The following AS3MT variants were observed in gnomAD, a reference collection of about 807,000 sequenced individuals.
AS3MT encodes the protein S-adenosyl-L-methionine:arsenic(III) methyltransferase.
Under a neutral mutation model 45.3 loss-of-function variants are expected in AS3MT, and 47 were observed. The ratio of observed to expected loss-of-function variants is 1.04; its 90% CI spans 0.82 to 1.32. The LOEUF (loss-of-function observed/expected upper bound fraction) is 1.32. Among genes scored for constraint, AS3MT ranks in the 40% most tolerant of loss-of-function variants. The pLI, the probability that AS3MT is intolerant of heterozygous loss-of-function variation, is 0.00. For synonymous variants in AS3MT, 141 were observed against 152.8 expected (o/e 0.92, Z 0.57); for missense variants, 396 against 451.1 (o/e 0.88, Z 1.11).
chr10:102,877,175 A>G, intron 7 of AS3MT, 140 bp downstream of exon 7: 1 of 738,500 alleles, frequency 1.4e-6, no homozygotes, highest in South Asian at 1.9e-5. Context: ...TTCCTCTGCC[A>G]TTCAAAAGTG....
chr10:102,895,116 C>T (rs951162860), intron 10 of AS3MT, among the ~76,000 whole-genome samples: 1 of 151,974 alleles, frequency 6.6e-6, no homozygotes, highest in African/African-American at 2.4e-5. Flanking sequence ...GTTATGACAC[C>T]CTAATTTGAA....
intron 10 of AS3MT, among the ~76,000 whole-genome samples, chr10:102,899,142 C>T (rs1056612092): frequency 2.0e-5 from 3 of 152,192 alleles, no homozygotes; most frequent in African/African-American, 7.2e-5. Flanking sequence ...CTCATAGTAG[C>T]CACCACGCCC....
intron 3 of AS3MT, 85 bp from the exon 4 acceptor site, chr10:102,872,339 AAGGAAGGAAGGAACGGAGGGAGGG>A: frequency 8.6e-7 from 1 of 1,166,338 alleles, no homozygotes; most frequent in Non-Finnish European, 1.2e-6. Flanking sequence ...AGAAAGAAGG[AAGGAAGGAAGGAACGGAGGGAGGG>A]AGGGAGGAGG....
chr10:102,878,652 T>C (rs768541092), intron 8 of AS3MT, 142 bp downstream of exon 8: 113 of 1,353,048 alleles, frequency 8.4e-5, no homozygotes, highest in Non-Finnish European at 1.1e-4. Flanking sequence ...TCCTGTACAA[T>C]GGTAACCCCC....
chr10:102,874,583 C>T lies in AS3MT; in HGVS notation c.459-9C>T. 1 of 1,586,438 alleles carries T rather than the reference C, an allele frequency of 6.3e-7. No homozygotes were observed. Among genetic ancestry groups the T allele is most frequent in the Non-Finnish European group, 8.6e-7 (1 of 1,161,042 alleles). On this transcript the variant is annotated splice_polypyrimidine_tract_variant and intron_variant, in intron 5 of 10. Coordinates refer to ENST00000369880, the MANE Select transcript of AS3MT (RefSeq NM_020682.4). ...AGATTTGCTCGACATTTCATCTGTT[C>T]TCTTTTAGATCAAACTGTGTTATTA...
chr10:102,872,995 A>G, intron 4 of AS3MT, 102 bp from the exon 5 acceptor site: 1 of 999,616 alleles, frequency 1.0e-6, no homozygotes, highest in Non-Finnish European at 1.4e-6. Context: ...TTTATCCAAA[A>G]TAATCTAGGG....
In AS3MT at chr10:102,901,321, G is replaced by A. The variant is rs1242640912; in HGVS notation, c.*621G>A. ...CCATTCTCCTGCCTCAGACTCCCAAGTAGCTGGGACTACAGGCACCTACCA... is the reference window on the plus strand; with the variant it reads ...CCATTCTCCTGCCTCAGACTCCCAAATAGCTGGGACTACAGGCACCTACCA... On this transcript the variant is annotated 3_prime_UTR_variant, in exon 11 of 11. Transcript: ENST00000369880. The A allele has an allele frequency of 6.6e-6, 1 of 151,868 alleles. No homozygotes were observed. The highest frequency in any genetic ancestry group is 1.5e-5 in the Non-Finnish European group (1 of 68,044). The allele number at this position is 151,868 out of a possible 1,614,324, so 9.4% of individuals were successfully genotyped here. A position where few individuals can be genotyped will look rare whatever the true frequency, so the allele number is the denominator to read the frequency against.
chr10:102,890,731 G>A (rs1159916335), intron 10 of AS3MT, 53 bp downstream of exon 10: 3 of 1,547,712 alleles, frequency 1.9e-6, no homozygotes, highest in African/African-American at 1.4e-5. Flanking sequence ...TTATTTTTGA[G>A]ATGGAGTCTC....
intron 3 of AS3MT, among the ~76,000 whole-genome samples, chr10:102,871,183 G>A (rs1844673877): frequency 6.6e-6 from 1 of 152,084 alleles, no homozygotes; most frequent in Non-Finnish European, 1.5e-5. Context: ...GGCGGAGGTC[G>A]CAGTGAGCGG....
chr10:102,879,537 A>G (rs762725081), intron 9 of AS3MT, among the ~76,000 whole-genome samples: 18 of 151,956 alleles, frequency 1.2e-4, no homozygotes, highest in Non-Finnish European at 1.8e-4. Context: ...AGGCTGAGGC[A>G]GGCAGATTAC....
chr10:102,880,953 C>A (rs1328602845), intron 9 of AS3MT, among the ~76,000 whole-genome samples: 1 of 152,148 alleles, frequency 6.6e-6, no homozygotes, highest in Admixed American at 6.5e-5. Context: ...CTTAAAATCC[C>A]AGAGTATCTG....
chr10:102,879,879 T>C (rs1012443914), intron 9 of AS3MT, among the ~76,000 whole-genome samples: 5 of 140,540 alleles, frequency 3.6e-5, no homozygotes, highest in African/African-American at 1.3e-4. Flanking sequence ...TTTCCATGTT[T>C]GTGTGTTTAT....
rs192597598 is a variant in AS3MT at position 102,873,079 on chromosome 10, A to G, written c.322-18A>G. ...TTTTTTTCAAAATGTTATCAAAACT[A>G]TATTTTTCTTACTTTAGGTGGAAGT... On this transcript the variant is annotated intron_variant, in intron 4 of 10. Transcript: ENST00000369880. The G allele has an allele frequency of 3.2e-4, 492 of 1,552,038 alleles. No individual in the cohort carries two copies. The highest frequency in any genetic ancestry group is 3.1e-3 in the Admixed American group (137 of 44,854).
intron 9 of AS3MT, among the ~76,000 whole-genome samples, chr10:102,879,880 G>C (rs1205618544): frequency 1.4e-5 from 2 of 139,438 alleles, no homozygotes; most frequent in Non-Finnish European, 3.2e-5. Flanking sequence ...TTCCATGTTT[G>C]TGTGTTTATA....
chr10:102,897,904 A>G (rs183065373), intron 10 of AS3MT, among the ~76,000 whole-genome samples: 13 of 152,332 alleles, frequency 8.5e-5, no homozygotes, highest in South Asian at 2.1e-4. Context: ...CCTTAGATAT[A>G]AATTGTAAAA....
At chr10:102,896,133 A>G (rs1590231712) in intron 10 of AS3MT, among the ~76,000 whole-genome samples, 1 of 151,522 alleles carries the variant, frequency 6.6e-6, no homozygotes, top group Admixed American at 6.6e-5. Context: ...GGAGGTCAAG[A>G]CCAGCCTGGC....
chr10:102,890,161 C>T (rs563653130), intron 9 of AS3MT, among the ~76,000 whole-genome samples: 13 of 131,300 alleles, frequency 9.9e-5, no homozygotes, highest in Non-Finnish European at 1.7e-4. Flanking sequence ...CCACTATGTC[C>T]GGCTAATTTT....
chr10:102,894,401 C>T (rs572395194), intron 10 of AS3MT, among the ~76,000 whole-genome samples: 4 of 150,094 alleles, frequency 2.7e-5, no homozygotes, highest in East Asian at 3.9e-4. Flanking sequence ...CTAACCTGGG[C>T]GACAGAGCGA....
chr10:102,872,722 T>C, intron 4 of AS3MT, 124 bp downstream of exon 4: 3 of 1,062,804 alleles, frequency 2.8e-6, no homozygotes, highest in Non-Finnish European at 4.0e-6. Flanking sequence ...CAATGCTCAT[T>C]TGTGCCACTA....
Sources: gnomAD v4.1 joint callset for allele counts (sites outside exome capture counted in the v4.1 genomes callset) on GRCh38, gnomAD v4.1.1 for gene constraint, MANE v1.5 for transcripts, NCBI Gene and HGNC (gene_info 2026-07-23, HGNC 2026-07-21) for gene names.